CDH4: variants seen among roughly 807,000 people sequenced by gnomAD.
CDH4 encodes the protein cadherin 4.
A neutral mutation model predicts 86.0 loss-of-function variants in CDH4; 33 were observed. The ratio of observed to expected loss-of-function variants is 0.38; its 90% confidence interval spans 0.29 to 0.51. CDH4 has a LOEUF of 0.51. Ranked by LOEUF, CDH4 falls within the 20% of genes least tolerant of loss-of-function variation. The pLI is 0.86. For missense variants in CDH4, 1,114 were observed against 1,307.4 expected (o/e 0.85, Z 2.28); for synonymous variants, 555 against 549.4 (o/e 1.01, Z -0.14).
rs59813971 is a variant in CDH4, at chr20:61,850,095, T to C, written c.733-2659T>C. Among the ~76,000 whole-genome samples the C allele has an allele frequency of 9.0e-3, 1,370 of 152,336 alleles. 31 individuals carry two copies. In the East Asian group the frequency reaches 0.1, roughly 11 times the overall value. On this transcript the variant is annotated intron_variant, in intron 5 of 15. Transcript: ENST00000614565. ...CATTCAAACGCACAACACGCACAAG[T>C]GCTCACTGCTGGCTTTGCAGGGTGA... is the stretch of plus-strand genomic sequence containing the variant.
chr20:61,423,428 T>C (rs1019636016), intron 2 of CDH4, among the ~76,000 whole-genome samples: 3 of 152,140 alleles, frequency 2.0e-5, no homozygotes, highest in Non-Finnish European at 4.4e-5. Flanking sequence ...AGACATGTCT[T>C]TCATCCTAGC....
intron 2 of CDH4, among the ~76,000 whole-genome samples, chr20:61,372,414 C>G (rs1488233076): frequency 6.6e-6 from 1 of 152,254 alleles, no homozygotes; most frequent in African/African-American, 2.4e-5. Context: ...CAGCACCGCC[C>G]TGCTGAGCAG....
chr20:61,595,488 G>A (rs1481472819), intron 2 of CDH4, among the ~76,000 whole-genome samples: 1 of 152,254 alleles, frequency 6.6e-6, no homozygotes, highest in Non-Finnish European at 1.5e-5. Flanking sequence ...GACGGGCTGT[G>A]GCAACCCTGC....
At chr20:61,526,371 G>A (rs956588299) in intron 2 of CDH4, among the ~76,000 whole-genome samples, 1 of 152,090 alleles carries the variant, frequency 6.6e-6, no homozygotes, top group African/African-American at 2.4e-5. Context: ...CATCCTCGGT[G>A]GAGGCAGCCC....
chr20:61,357,965 C>T (rs1413622098), intron 2 of CDH4, among the ~76,000 whole-genome samples: 4 of 152,104 alleles, frequency 2.6e-5, no homozygotes, highest in East Asian at 1.9e-4. Flanking sequence ...TTTGGCAGGG[C>T]GTGGCGGGGA....
rs1438209550 is a variant in CDH4 at position 61,936,837 on chromosome 20, C to T, written c.2645C>T (p.Ser882Phe). 1.2e-6 allele frequency: 2 copies of T among 1,610,592 alleles called. No individual in the cohort carries two copies. Among genetic ancestry groups the T allele is most frequent in the Non-Finnish European group, 8.5e-7 (1 of 1,179,090 alleles). ...GGCTCCACCGCAGGCTCCGTCAGCT[C>T]CCTGAACTCATCCAGTTCCGGGGAC... ...GSGSTAGSVS[S>F]LNSSSSGDQD... Residue 882 changes from serine to phenylalanine, a missense_variant, in exon 16 of 16, where the codon TCC becomes TTC. By Grantham distance (155) the Ser-to-Phe change is radical (BLOSUM62 -2). Around this residue, in one of 3 missense-constraint regions of CDH4, gnomAD observed 188 missense variants for 183.8 expected, o/e 1.02. Transcript: ENST00000614565.
intron 2 of CDH4, among the ~76,000 whole-genome samples, chr20:61,435,477 G>A (rs2085275670): frequency 6.6e-6 from 1 of 152,238 alleles, no homozygotes; most frequent in South Asian, 2.1e-4. Context: ...GCAGGGTGCT[G>A]CTTCCAGCTT....
intron 2 of CDH4, among the ~76,000 whole-genome samples, chr20:61,586,314 C>T (rs749888430): frequency 3.3e-5 from 5 of 152,138 alleles, no homozygotes; most frequent in Non-Finnish European, 5.9e-5. Flanking sequence ...ATAACAGTGA[C>T]AACTGCACCT....
At chr20:61,266,219 G>A (rs575181957) in intron 2 of CDH4, among the ~76,000 whole-genome samples, 266 of 152,170 alleles carry the variant, frequency 1.7e-3, no homozygotes, top group African/African-American at 6.4e-3. Context: ...GGTGTTGAGA[G>A]GTGTGCTTTC....
intron 2 of CDH4, among the ~76,000 whole-genome samples, chr20:61,553,188 C>T (rs1218340178): frequency 6.6e-6 from 1 of 152,180 alleles, no homozygotes; most frequent in East Asian, 1.9e-4. Context: ...AGACACAAAC[C>T]CATGTACTGT....
intron 2 of CDH4, among the ~76,000 whole-genome samples, chr20:61,275,038 A>ACAGTTTGGGGGAGTACCGTGTG (rs1568777397): frequency 1.5e-5 from 1 of 67,228 alleles, no homozygotes. Flanking sequence ...AGCACCATGC[A>ACAGTTTGGGGGAGTACCGTGTG]CAGTTTGGGG....
intron 2 of CDH4, among the ~76,000 whole-genome samples, chr20:61,538,155 G>T (rs538611682): frequency 6.6e-6 from 1 of 152,308 alleles, no homozygotes; most frequent in African/African-American, 2.4e-5. Context: ...TTCCAGGAAA[G>T]CCCACACACC....
At chr20:61,933,260 G>T in intron 14 of CDH4, 136 bp downstream of exon 14, 1 of 1,137,504 alleles carries the variant, frequency 8.8e-7, no homozygotes, top group Non-Finnish European at 1.2e-6. Flanking sequence ...AGGCAGGGGC[G>T]CACGGTTTCC....
At chr20:61,787,280 T>C (rs769914822) in intron 4 of CDH4, among the ~76,000 whole-genome samples, 11 of 152,218 alleles carry the variant, frequency 7.2e-5, no homozygotes, top group Non-Finnish European at 1.5e-4. Flanking sequence ...AGAGGTTTAA[T>C]TGACTCACAG....
chr20:61,687,152 T>G (rs1357197521), intron 2 of CDH4, among the ~76,000 whole-genome samples: 1 of 152,184 alleles, frequency 6.6e-6, no homozygotes, highest in Non-Finnish European at 1.5e-5. Flanking sequence ...GCGTGTTCGG[T>G]GTCCACTGAA....
At chr20:61,887,491 G>A (rs759015684) in intron 7 of CDH4, among the ~76,000 whole-genome samples, 7 of 152,148 alleles carry the variant, frequency 4.6e-5, no homozygotes, top group Non-Finnish European at 8.8e-5. Flanking sequence ...ACACAGGCAT[G>A]CACACTCGTG....
intron 2 of CDH4, among the ~76,000 whole-genome samples, chr20:61,577,919 C>A (rs942167388): frequency 1.3e-5 from 2 of 152,032 alleles, no homozygotes; most frequent in African/African-American, 4.8e-5. Context: ...GAAAGCTTGT[C>A]TTCATTTCTC....
At chr20:61,722,234 A>G (rs1483247164) in intron 2 of CDH4, among the ~76,000 whole-genome samples, 17 of 151,394 alleles carry the variant, frequency 1.1e-4, no homozygotes, top group Admixed American at 1.1e-3. Context: ...TATTGCAGAA[A>G]AGAAGCCATG....
chr20:61,350,127 T>C, intron 2 of CDH4, among the ~76,000 whole-genome samples: 1 of 109,946 alleles, frequency 9.1e-6, no homozygotes. Context: ...CCCCCAGTGC[T>C]GCAGAGGCCA....
Sources: allele counts gnomAD v4.1 joint callset (sites outside exome capture counted in the v4.1 genomes callset), GRCh38; gene constraint gnomAD v4.1.1; regional missense constraint gnomAD v4.1.1; transcripts MANE v1.5; gene names NCBI Gene and HGNC (gene_info 2026-07-23, HGNC 2026-07-21).